Variants in MRTFA observed in about 807,000 individuals in gnomAD.
MRTFA encodes myocardin-related transcription factor A.
In MRTFA, 20 loss-of-function variants were observed where a neutral mutation model predicts 83.5. The ratio of observed to expected loss-of-function variants is 0.24; its 90% CI spans 0.17 to 0.35. The LOEUF is 0.35. Ranked by LOEUF, MRTFA falls within the 10% of genes least tolerant of loss-of-function variation. The pLI is 1.00. For missense variants in MRTFA, 1,200 were observed against 1,224.7 expected (o/e 0.98, Z 0.30); for synonymous variants, 659 against 541.2 (o/e 1.22, Z -3.02).
In MRTFA at chr22:40,580,531, T is replaced by C. The variant is rs1026366601; in HGVS notation, c.-22+14143A>G. On this transcript the variant is annotated intron_variant, in intron 2 of 14. Coordinates refer to ENST00000355630, the MANE Select transcript of MRTFA (RefSeq NM_020831.6). ...CTAATTTTTAATTATGAAAGTTTAT[T>C]TAAAATACAGAAAAATGAAATGATA... 6.8e-4 allele frequency among the ~76,000 whole-genome samples: 104 copies of C among 152,180 alleles called. 2 individuals carry two copies. The highest frequency in any genetic ancestry group is 1.9e-4 in the Non-Finnish European group (13 of 68,028).
At chr22:40,572,135 A>G (rs1024120042) in intron 2 of MRTFA, among the ~76,000 whole-genome samples, 3 of 152,186 alleles carry the variant, frequency 2.0e-5, no homozygotes, top group Non-Finnish European at 4.4e-5. Flanking sequence ...TCCCATTCAT[A>G]TAAAGTCTAG....
intron 2 of MRTFA, among the ~76,000 whole-genome samples, chr22:40,566,243 CAG>C (rs1463831119): frequency 6.8e-6 from 1 of 147,348 alleles, no homozygotes; most frequent in African/African-American, 2.5e-5. Context: ...TTTTTTGAGA[CAG>C]AGTCTCACTC....
intron 2 of MRTFA, among the ~76,000 whole-genome samples, chr22:40,581,594 G>A (rs993317259): frequency 1.3e-5 from 2 of 151,988 alleles, no homozygotes; most frequent in Admixed American, 6.5e-5. Context: ...TTAGGTATAT[G>A]GGCTTTCCCT....
intron 2 of MRTFA, among the ~76,000 whole-genome samples, chr22:40,557,850 T>G (rs575384724): frequency 2.6e-5 from 4 of 152,252 alleles, no homozygotes; most frequent in Non-Finnish European, 5.9e-5. Flanking sequence ...CTCGGCTCAG[T>G]GCAACCTCCA....
At chr22:40,508,951 C>T (rs146457680) in intron 3 of MRTFA, among the ~76,000 whole-genome samples, 3 of 152,188 alleles carry the variant, frequency 2.0e-5, no homozygotes, top group African/African-American at 7.2e-5. Flanking sequence ...CCTCAAACAT[C>T]CATGCTAACA....
At chr22:40,626,276 T>C (rs1387256604) in intron 1 of MRTFA, among the ~76,000 whole-genome samples, 3 of 151,568 alleles carry the variant, frequency 2.0e-5, no homozygotes, top group Non-Finnish European at 2.9e-5. Flanking sequence ...TGGGCTACCA[T>C]GCCTGTCCTA....
At chr22:40,519,013 T>G (rs992738760) in intron 3 of MRTFA, among the ~76,000 whole-genome samples, 2 of 150,464 alleles carry the variant, frequency 1.3e-5, no homozygotes, top group African/African-American at 4.9e-5. Flanking sequence ...GTTTTGTTTT[T>G]GGGGTTTTTT....
chr22:40,510,446 A>G (rs1323194806), intron 3 of MRTFA, among the ~76,000 whole-genome samples: 1 of 152,156 alleles, frequency 6.6e-6, no homozygotes, highest in Non-Finnish European at 1.5e-5. Flanking sequence ...ATTGAAATAA[A>G]ACCCGAAATG....
chr22:40,439,122 A>G (rs987927859), intron 4 of MRTFA, among the ~76,000 whole-genome samples: 1 of 152,224 alleles, frequency 6.6e-6, no homozygotes, highest in African/African-American at 2.4e-5. Context: ...AAGTGTCCTG[A>G]ATTGGAAGAT....
intron 3 of MRTFA, among the ~76,000 whole-genome samples, chr22:40,499,110 T>G (rs951425192): frequency 6.6e-6 from 1 of 152,238 alleles, no homozygotes; most frequent in Admixed American, 6.5e-5. Flanking sequence ...AAAAATGATC[T>G]GTTTAACATT....
chr22:40,487,973 A>G (rs1349931128), intron 3 of MRTFA, among the ~76,000 whole-genome samples: 1 of 152,118 alleles, frequency 6.6e-6, no homozygotes, highest in Non-Finnish European at 1.5e-5. Context: ...AAAAAAGAAG[A>G]AAGAAAAACT....
At chr22:40,598,364 C>T (rs1381278604) in intron 1 of MRTFA, among the ~76,000 whole-genome samples, 2 of 152,092 alleles carry the variant, frequency 1.3e-5, no homozygotes, top group African/African-American at 2.4e-5. Flanking sequence ...AATAGTATTA[C>T]AAGCAAAATT....
chr22:40,418,416 C>T lies in MRTFA; in HGVS notation c.2322G>A (p.Lys774=), dbSNP rs370698551. 4 of 1,613,960 alleles carry T rather than the reference C, an allele frequency of 2.5e-6. No homozygotes were observed. The African/African-American group carries it at 4.0e-5, about 16-fold the overall frequency. ...TGGACAGGCCAGGGCTGTCTGCATT[C>T]TTATTGGTCACGGTGAGGACAAGGT... Residue 774 remains lysine, a synonymous_variant, in exon 12 of 15, where the codon AAG becomes AAA. Transcript: ENST00000355630.
At chr22:40,524,040 C>T (rs1233782599) in intron 3 of MRTFA, among the ~76,000 whole-genome samples, 2 of 152,302 alleles carry the variant, frequency 1.3e-5, no homozygotes, top group South Asian at 4.1e-4. Flanking sequence ...ACAATTTTCA[C>T]ACCCTATAGT....
At chr22:40,601,824 A>C (rs1269708662) in intron 1 of MRTFA, among the ~76,000 whole-genome samples, 1 of 152,158 alleles carries the variant, frequency 6.6e-6, no homozygotes, top group Admixed American at 6.5e-5. Context: ...AAATAATATA[A>C]AGCTTGAAGA....
At position 40,417,423 on chromosome 22, in the gene MRTFA, G is replaced by C; in HGVS notation, c.2435C>G (p.Pro812Arg). Residue 812 changes from proline (P) to arginine (R), a missense_variant, in exon 13 of 15, where the codon CCC becomes CGC. This residue lies in a region of MRTFA where 1,107 missense variants were observed against 1,041.8 expected (regional missense o/e 1.06). Coordinates refer to ENST00000355630, the MANE Select transcript of MRTFA (RefSeq NM_020831.6). ...CAGAGAAGTGGGGGTCCCAAAGAGG[G>C]GCTGCAGTGGGTGCTCCAGGTCCAT... 1 of 1,609,326 alleles carries C rather than the reference G, an allele frequency of 6.2e-7. No homozygotes were observed. The highest frequency in any genetic ancestry group is 8.5e-7 in the Non-Finnish European group (1 of 1,178,796).
chr22:40,519,365 C>T (rs769810342), intron 3 of MRTFA: 1 of 1,248,160 alleles, frequency 8.0e-7, no homozygotes, highest in Non-Finnish European at 1.1e-6. Context: ...TCTTCTCAAA[C>T]CTTGGAGGGT....
At chr22:40,528,211 C>T (rs2055012408) in intron 3 of MRTFA, among the ~76,000 whole-genome samples, 1 of 152,070 alleles carries the variant, frequency 6.6e-6, no homozygotes, top group Admixed American at 6.6e-5. Flanking sequence ...AGGTGAATAC[C>T]CAGGCACTGG....
intron 3 of MRTFA, among the ~76,000 whole-genome samples, chr22:40,533,216 CAT>C (rs1264300465): frequency 2.6e-5 from 4 of 152,162 alleles, no homozygotes; most frequent in African/African-American, 7.2e-5. Context: ...TTCATAAAAA[CAT>C]AGAGTCTAGA....
Sources: allele counts gnomAD v4.1 joint callset (sites outside exome capture counted in the v4.1 genomes callset), GRCh38; gene constraint gnomAD v4.1.1; regional missense constraint gnomAD v4.1.1; transcripts MANE v1.5; gene names NCBI Gene and HGNC (gene_info 2026-07-23, HGNC 2026-07-21).